The following PCCA variants were observed in gnomAD, a reference collection of about 807,000 sequenced individuals.
PCCA encodes the protein propionyl-CoA carboxylase alpha chain, mitochondrial.
PCCA carries 74 observed loss-of-function variants against 101.3 expected under a neutral mutation model. The observed-to-expected ratio is 0.73, with a 90% CI of 0.61 to 0.89. The LOEUF (loss-of-function observed/expected upper bound fraction) is 0.89. Among genes scored for constraint, PCCA ranks in the 40% least tolerant of loss-of-function variants. The pLI is 0.00. For missense variants in PCCA, 891 were observed against 907.0 expected (o/e 0.98, Z 0.23); for synonymous variants, 294 against 313.6 (o/e 0.94, Z 0.66).
intron 7 of PCCA, among the ~76,000 whole-genome samples, chr13:100,222,058 T>C (rs1363972225): frequency 6.6e-6 from 1 of 151,718 alleles, no homozygotes; most frequent in Non-Finnish European, 1.5e-5. Context: ...ATAATTTTTT[T>C]TGAGACAGAG....
chr13:100,235,922 G>C, intron 8 of PCCA, 44 bp downstream of exon 8: 2 of 1,267,360 alleles, frequency 1.6e-6, no homozygotes, highest in Non-Finnish European at 2.3e-6. Context: ...GTGTCTTTCA[G>C]CAGATACGGT....
chr13:100,124,216 A>T (rs2049721629), intron 4 of PCCA, among the ~76,000 whole-genome samples: 1 of 152,184 alleles, frequency 6.6e-6, no homozygotes, highest in Non-Finnish European at 1.5e-5. Context: ...TTCATTCCCA[A>T]AGAGGAAAAT....
chr13:100,267,444 A>G (rs781424017), intron 10 of PCCA, among the ~76,000 whole-genome samples: 34 of 152,152 alleles, frequency 2.2e-4, no homozygotes, highest in African/African-American at 7.2e-4. Flanking sequence ...CATTTTACCA[A>G]TTATAGCCAT....
chr13:100,102,944 A>G lies in PCCA; in HGVS notation c.167A>G (p.Tyr56Cys). 4 of 1,593,694 alleles carry G rather than the reference A, an allele frequency of 2.5e-6. No homozygotes were observed. Among genetic ancestry groups the G allele is most frequent in the Non-Finnish European group, 3.4e-6 (4 of 1,161,422 alleles). The change falls in exon 2 of 24, where the codon TAT becomes TGT. Residue 56 changes from tyrosine to cysteine, a missense_variant. Transcript: ENST00000376285. ...TCCCGTAATCTTGGTTCAGTGGGAT[A>G]TGATCCTAATGAAAAAGTAAGTATT... ...MVSRNLGSVGYDPNEKTFDKI... is the reference protein window; with the variant it reads ...MVSRNLGSVGCDPNEKTFDKI...
intron 20 of PCCA, among the ~76,000 whole-genome samples, chr13:100,426,107 T>A (rs971663044): frequency 9.9e-5 from 15 of 152,158 alleles, no homozygotes; most frequent in Admixed American, 9.8e-4. Flanking sequence ...AGTGTTAGGC[T>A]AGTAAAACTT....
intron 8 of PCCA, 146 bp downstream of exon 8, chr13:100,236,024 A>G: frequency 1.5e-6 from 1 of 647,568 alleles, no homozygotes. Context: ...AGAATGTATC[A>G]GTTGAATTGC....
intron 4 of PCCA, among the ~76,000 whole-genome samples, chr13:100,132,342 C>G (rs1265521423): frequency 6.6e-6 from 1 of 152,220 alleles, no homozygotes; most frequent in Non-Finnish European, 1.5e-5. Flanking sequence ...GTGTCACATC[C>G]TTTTCCACCC....
At chr13:100,469,877 T>A (rs2082861054) in intron 21 of PCCA, among the ~76,000 whole-genome samples, 1 of 152,080 alleles carries the variant, frequency 6.6e-6, no homozygotes, top group African/African-American at 2.4e-5. Context: ...CTAAAGAAAG[T>A]TTTTAGTGGT....
intron 4 of PCCA, among the ~76,000 whole-genome samples, chr13:100,132,780 A>AT (rs1367818410): frequency 5.1e-4 from 75 of 148,404 alleles, no homozygotes; most frequent in Admixed American, 6.7e-4. Context: ...TCTTGTCAGT[A>AT]TTTTTTTTTT....
Position 100,112,051 on chromosome 13 carries a change from A to G in PCCA, c.290A>G (p.Asp97Gly). 27 of 1,609,590 alleles carry G rather than the reference A, an allele frequency of 1.7e-5. No homozygotes were observed. The highest frequency in any genetic ancestry group is 2.2e-5 in the Non-Finnish European group (26 of 1,177,458). Reference sequence around the variant, plus strand: ...ACAGTTGCCATCCACAGTGATGTTGATGCTAGTTCTGTAAGTATATTTTTG... The same window carrying G: ...ACAGTTGCCATCCACAGTGATGTTGGTGCTAGTTCTGTAAGTATATTTTTG... ...IKTVAIHSDV[D>G]ASSVHVKMAD... is the part of the protein sequence containing the mutation. The change falls in exon 4 of 24, where the codon GAT becomes GGT. Residue 97 changes from aspartate to glycine, a missense_variant. By Grantham distance (94) the Asp-to-Gly change is moderately conservative (BLOSUM62 -1). Coordinates refer to ENST00000376285, the MANE Select transcript of PCCA (RefSeq NM_000282.4).
intron 16 of PCCA, among the ~76,000 whole-genome samples, chr13:100,323,933 A>G (rs2068353149): frequency 2.0e-5 from 3 of 152,166 alleles, no homozygotes; most frequent in Non-Finnish European, 4.4e-5. Context: ...GAACTTGACT[A>G]TCTGATTCTT....
intron 1 of PCCA, among the ~76,000 whole-genome samples, chr13:100,100,207 A>C (rs576951563): frequency 1.3e-5 from 2 of 152,232 alleles, no homozygotes; most frequent in African/African-American, 4.8e-5. Context: ...CTGAGAGTTG[A>C]CCCAAGTCTT....
intron 19 of PCCA, among the ~76,000 whole-genome samples, chr13:100,415,082 A>C (rs2078275338): frequency 1.3e-5 from 2 of 151,928 alleles, no homozygotes; most frequent in Non-Finnish European, 2.9e-5. Flanking sequence ...GTTGAGTTGG[A>C]GTGTATTATT....
chr13:100,109,602 G>C (rs1323617803), intron 2 of PCCA, among the ~76,000 whole-genome samples: 1 of 152,160 alleles, frequency 6.6e-6, no homozygotes, highest in African/African-American at 2.4e-5. Context: ...CTGTTTAAGA[G>C]GGGTTTACCA....
At chr13:100,260,494 T>A (rs2062421809) in intron 9 of PCCA, among the ~76,000 whole-genome samples, 1 of 151,534 alleles carries the variant, frequency 6.6e-6, no homozygotes, top group Admixed American at 6.6e-5. Flanking sequence ...CCTTTTGGGT[T>A]CAAGCGATTC....
At chr13:100,236,695 C>T (rs1376115632) in intron 8 of PCCA, 1 of 152,096 alleles carries the variant, frequency 6.6e-6, no homozygotes, top group Non-Finnish European at 1.5e-5. Flanking sequence ...CTCCTGACCT[C>T]AGGTGATCCA....
chr13:100,273,277 T>C lies in PCCA; in HGVS notation c.996T>C (p.Ala332=), dbSNP rs2152588809. The change falls in exon 12 of 24, where the codon GCT becomes GCC. Residue 332 remains alanine (A), a synonymous_variant. Coordinates refer to ENST00000376285, the MANE Select transcript of PCCA (RefSeq NM_000282.4). ...CCAGAGCAGTAAAATATTCCTCTGC[T>C]GGGACCGTGGAGTTCCTTGTGGACT... ...ALARAVKYSS[A]GTVEFLVDSK... is the part of the protein sequence containing the mutation. The C allele has an allele frequency of 6.2e-7, 1 of 1,612,268 alleles. No homozygotes were observed. The highest frequency in any genetic ancestry group is 8.5e-7 in the Non-Finnish European group (1 of 1,178,282).
At chr13:100,278,315 G>A (rs1322052405) in intron 12 of PCCA, among the ~76,000 whole-genome samples, 1 of 152,158 alleles carries the variant, frequency 6.6e-6, no homozygotes, top group East Asian at 1.9e-4. Context: ...AGAGATCTGA[G>A]ATTTTTTAAT....
intron 20 of PCCA, among the ~76,000 whole-genome samples, chr13:100,435,227 G>T (rs1156798669): frequency 1.3e-5 from 2 of 152,124 alleles, no homozygotes; most frequent in Non-Finnish European, 2.9e-5. Flanking sequence ...TTTCAGTCAT[G>T]GTGGAGGCAA....
Sources: gnomAD v4.1 joint callset for allele counts (sites outside exome capture counted in the v4.1 genomes callset) on GRCh38, gnomAD v4.1.1 for gene constraint, MANE v1.5 for transcripts, NCBI Gene and HGNC (gene_info 2026-07-23, HGNC 2026-07-21) for gene names.